Variants in MRPL1 observed in about 807,000 individuals in gnomAD.
The protein encoded by MRPL1 is mitochondrial ribosomal protein L1.
A neutral mutation model predicts 38.0 loss-of-function variants in MRPL1; 28 were observed. That is an observed-to-expected ratio of 0.74 (90% CI 0.55 to 1.01). MRPL1 has a LOEUF of 1.01. Among genes scored for constraint, MRPL1 ranks in the 50% least tolerant of loss-of-function variants. The pLI, the probability that MRPL1 is intolerant of heterozygous loss-of-function variation, is 0.00. For synonymous variants in MRPL1, 123 were observed against 126.7 expected (o/e 0.97, Z 0.20); for missense variants, 358 against 389.8 (o/e 0.92, Z 0.69).
At chr4:77,918,183 T>C (rs1736467995) in intron 7 of MRPL1, among the ~76,000 whole-genome samples, 1 of 151,726 alleles carries the variant, frequency 6.6e-6, no homozygotes, top group Non-Finnish European at 1.5e-5. Context: ...AGTTCGAAAA[T>C]ATATACCAGG....
chr4:77,936,738 A>G (rs1015322482), intron 7 of MRPL1, among the ~76,000 whole-genome samples: 3 of 152,214 alleles, frequency 2.0e-5, no homozygotes, highest in Non-Finnish European at 4.4e-5. Context: ...ATATCTCATT[A>G]TTATAAATAT....
At chr4:77,894,315 G>A in intron 6 of MRPL1, 65 bp downstream of exon 6, 1 of 1,027,006 alleles carries the variant, frequency 9.7e-7, no homozygotes, top group Non-Finnish European at 1.5e-6. Flanking sequence ...GCTTAGTTAG[G>A]AAACAAAGTT....
At chr4:77,909,144 A>T (rs781068058) in intron 6 of MRPL1, 122 bp from the exon 7 acceptor site, 5 of 702,170 alleles carry the variant, frequency 7.1e-6, no homozygotes, top group Non-Finnish European at 1.0e-5. Flanking sequence ...GCTCTTTGGA[A>T]CTAAAGTTTA....
intron 1 of MRPL1, among the ~76,000 whole-genome samples, chr4:77,866,809 G>A (rs1012234980): frequency 2.0e-5 from 3 of 150,136 alleles, no homozygotes; most frequent in Non-Finnish European, 3.0e-5. Context: ...GTGCAATGGC[G>A]CGATCTCGGC....
intron 7 of MRPL1, among the ~76,000 whole-genome samples, chr4:77,919,074 T>C (rs1258846251): frequency 6.6e-6 from 1 of 152,176 alleles, no homozygotes; most frequent in African/African-American, 2.4e-5. Context: ...TTTAGGCAGG[T>C]GTATAGTTTG....
chr4:77,911,302 G>T (rs1736282375), intron 7 of MRPL1, among the ~76,000 whole-genome samples: 1 of 152,116 alleles, frequency 6.6e-6, no homozygotes, highest in Non-Finnish European at 1.5e-5. Flanking sequence ...AATAGTTTAT[G>T]TAGATCCTGA....
At chr4:77,925,490 C>T (rs188285312) in intron 7 of MRPL1, among the ~76,000 whole-genome samples, 167 of 151,666 alleles carry the variant, frequency 1.1e-3, no homozygotes, top group Non-Finnish European at 2.0e-3. Flanking sequence ...TACAGGTGCC[C>T]GCCACTATGC....
intron 5 of MRPL1, among the ~76,000 whole-genome samples, chr4:77,892,433 AG>A (rs1174035918): frequency 1.3e-5 from 2 of 152,044 alleles, no homozygotes; most frequent in Non-Finnish European, 2.9e-5. Flanking sequence ...CGCACCACGT[AG>A]TAATTTCTTA....
chr4:77,928,290 C>T (rs1423199434), intron 7 of MRPL1, among the ~76,000 whole-genome samples: 2 of 152,132 alleles, frequency 1.3e-5, no homozygotes, highest in Admixed American at 1.3e-4. Context: ...TTCAGCCAAA[C>T]AGCAAGATGT....
intron 7 of MRPL1, among the ~76,000 whole-genome samples, chr4:77,943,843 T>C (rs1578065222): frequency 6.6e-6 from 1 of 152,344 alleles, no homozygotes; most frequent in Non-Finnish European, 1.5e-5. Flanking sequence ...TTGATTAGCT[T>C]AATAATCGAC....
chr4:77,871,365 C>T (rs570524817), intron 1 of MRPL1, among the ~76,000 whole-genome samples: 7 of 150,218 alleles, frequency 4.7e-5, no homozygotes, highest in Middle Eastern at 3.4e-3. Flanking sequence ...AGTGCGGTGG[C>T]GCTATATCGG....
intron 2 of MRPL1, among the ~76,000 whole-genome samples, chr4:77,873,687 G>C (rs1341604285): frequency 6.6e-6 from 1 of 152,174 alleles, no homozygotes; most frequent in Non-Finnish European, 1.5e-5. Context: ...ATATGAAGAT[G>C]AACAAGGCAC....
At chr4:77,941,319 C>G (rs1737128365) in intron 7 of MRPL1, among the ~76,000 whole-genome samples, 2 of 150,408 alleles carry the variant, frequency 1.3e-5, no homozygotes, top group Non-Finnish European at 3.0e-5. Flanking sequence ...AGATATTGAT[C>G]TGTAGTTTTC....
At chr4:77,948,908 T>G (rs1578067253) in intron 7 of MRPL1, among the ~76,000 whole-genome samples, 1 of 151,994 alleles carries the variant, frequency 6.6e-6, no homozygotes, top group Admixed American at 6.6e-5. Flanking sequence ...GTAGCTGGGA[T>G]TACCGGCATC....
At chr4:77,897,961 T>C (rs758916463) in intron 6 of MRPL1, among the ~76,000 whole-genome samples, 1 of 152,210 alleles carries the variant, frequency 6.6e-6, no homozygotes, top group Non-Finnish European at 1.5e-5. Context: ...ATGGATCTAT[T>C]ATAGCTGGTT....
intron 7 of MRPL1, among the ~76,000 whole-genome samples, chr4:77,930,251 C>T (rs185794787): frequency 6.6e-6 from 1 of 152,132 alleles, no homozygotes; most frequent in East Asian, 1.9e-4. Context: ...GGCAGGGGTC[C>T]CCAATCCCTG....
chr4:77,900,291 C>T (rs1232111546), intron 6 of MRPL1, among the ~76,000 whole-genome samples: 1 of 152,014 alleles, frequency 6.6e-6, no homozygotes, highest in African/African-American at 2.4e-5. Context: ...ACACTTAGTA[C>T]TGAGGATTGA....
intron 7 of MRPL1, among the ~76,000 whole-genome samples, chr4:77,945,136 T>G (rs1231392726): frequency 1.4e-5 from 2 of 139,682 alleles, no homozygotes; most frequent in African/African-American, 5.6e-5. Context: ...TCAATTATTA[T>G]TATTATTATT....
intron 7 of MRPL1, among the ~76,000 whole-genome samples, chr4:77,942,915 C>T (rs1025128913): frequency 4.6e-5 from 7 of 151,994 alleles, no homozygotes; most frequent in Non-Finnish European, 8.8e-5. Flanking sequence ...CTATTCATTG[C>T]GTTATTTGTT....
Sources: gnomAD v4.1 joint callset for allele counts (sites outside exome capture counted in the v4.1 genomes callset) on GRCh38, gnomAD v4.1.1 for gene constraint, MANE v1.5 for transcripts, NCBI Gene and HGNC (gene_info 2026-07-23, HGNC 2026-07-21) for gene names.